The following AVEN variants were observed in gnomAD, a reference collection of about 807,000 sequenced individuals.
AVEN encodes cell death regulator Aven.
In AVEN, 41 loss-of-function variants were observed where a neutral mutation model predicts 38.1. That is an observed-to-expected ratio of 1.08 (90% CI 0.84 to 1.40). The LOEUF (loss-of-function observed/expected upper bound fraction) is 1.40. Among genes scored for constraint, AVEN ranks in the 40% most tolerant of loss-of-function variants. The pLI is 0.00. For synonymous variants in AVEN, 206 were observed against 171.8 expected, an observed-to-expected ratio of 1.20 and a Z score of -1.56; for missense variants, 605 against 438.8, an observed-to-expected ratio of 1.38 and a Z score of -3.38.
chr15:33,962,675 A>ATATG (rs1379022872), intron 2 of AVEN, among the ~76,000 whole-genome samples: 114 of 38,858 alleles, frequency 2.9e-3, no homozygotes, highest in Non-Finnish European at 0.026. Flanking sequence ...CCTGCATAAT[A>ATATG]TCTGTCTGTC....
intron 1 of AVEN, among the ~76,000 whole-genome samples, chr15:34,014,860 T>G (rs1356108136): frequency 6.6e-6 from 1 of 151,854 alleles, no homozygotes; most frequent in South Asian, 2.1e-4. Flanking sequence ...AAAACTCCAC[T>G]CTGAAGAAAA....
At chr15:33,973,311 T>TAGC (rs1156547883) in intron 2 of AVEN, among the ~76,000 whole-genome samples, 1 of 152,224 alleles carries the variant, frequency 6.6e-6, no homozygotes, top group African/African-American at 2.4e-5. Context: ...TTTATAGAAT[T>TAGC]TTTTGGTACA....
upstream of AVEN, among the ~76,000 whole-genome samples, chr15:34,043,642 A>G (rs993180685): frequency 7.2e-5 from 11 of 152,222 alleles, no homozygotes; most frequent in Admixed American, 7.2e-4. Flanking sequence ...TTACCAGGTC[A>G]TAAGTCATAA....
At chr15:33,852,395 A>T in the AVEN span, 1 of 152,180 alleles carries the variant, frequency 6.6e-6, no homozygotes, top group African/African-American at 2.4e-5. Flanking sequence ...AGAGAGAAGA[A>T]AGATCATCTC....
Position 33,866,738 on chromosome 15 carries a change from AAAAAACAATGTTAACACCCTCAGAT to A in AVEN, c.974-35_974-11del. Reference sequence around the variant, plus strand: ...GATGGTTTTGCACAAACTGGGGGAAAAAAAACAATGTTAACACCCTCAGATGAGTCCTAAAATTGAAGGTATAATT... The same window carrying A: ...GATGGTTTTGCACAAACTGGGGGAAAGAGTCCTAAAATTGAAGGTATAATT... On this transcript the variant is annotated splice_polypyrimidine_tract_variant and intron_variant, in intron 5 of 5. Transcript: ENST00000306730. 1 of 1,594,994 alleles carries A rather than the reference AAAAAACAATGTTAACACCCTCAGAT, an allele frequency of 6.3e-7. No homozygotes were observed.
chr15:33,869,461 TA>T (rs929751674), intron 4 of AVEN, among the ~76,000 whole-genome samples: 1 of 152,150 alleles, frequency 6.6e-6, no homozygotes, highest in African/African-American at 2.4e-5. Flanking sequence ...TGAGTTCTGC[TA>T]AACATTCCTC....
chr15:33,875,999 G>T lies in AVEN; in HGVS notation c.446-4C>A. The T allele has an allele frequency of 6.2e-7, 1 of 1,604,312 alleles. No individual in the cohort carries two copies. The highest frequency in any genetic ancestry group is 1.4e-5 in the African/African-American group (1 of 72,550). On this transcript the variant is annotated splice_polypyrimidine_tract_variant and splice_region_variant and intron_variant, in intron 2 of 5. Coordinates refer to ENST00000306730, the MANE Select transcript of AVEN (RefSeq NM_020371.3). Reference sequence around the variant, plus strand: ...CGGAACTGTGAGAATGAGTCCCCTAGGAATAGGAAAAAAAAAAAAATTTAT... The same window carrying T: ...CGGAACTGTGAGAATGAGTCCCCTATGAATAGGAAAAAAAAAAAAATTTAT...
At chr15:34,025,939 C>T (rs1898448981) in intron 1 of AVEN, among the ~76,000 whole-genome samples, 1 of 152,164 alleles carries the variant, frequency 6.6e-6, no homozygotes, top group Non-Finnish European at 1.5e-5. Flanking sequence ...TTTTTATGTG[C>T]AGTCTTGCCT....
At chr15:34,060,921 C>A (rs1490562276) in intron 5 of AVEN, among the ~76,000 whole-genome samples, 1 of 151,194 alleles carries the variant, frequency 6.6e-6, no homozygotes, top group African/African-American at 2.4e-5. Context: ...GAGGCTGAGG[C>A]AGGAGAATGG....
At chr15:34,032,364 CAAT>C (rs1898895209) in intron 1 of AVEN, among the ~76,000 whole-genome samples, 1 of 152,234 alleles carries the variant, frequency 6.6e-6, no homozygotes, top group East Asian at 1.9e-4. Flanking sequence ...AGAAAACCAA[CAAT>C]GACTTAGTAC....
chr15:33,909,141 A>AGT (rs1892824858), intron 2 of AVEN, among the ~76,000 whole-genome samples: 1 of 152,146 alleles, frequency 6.6e-6, no homozygotes, highest in African/African-American at 2.4e-5. Flanking sequence ...TCTGGTTACA[A>AGT]AGAGGAATAA....
intron 1 of AVEN, among the ~76,000 whole-genome samples, chr15:34,015,599 G>C (rs1897863135): frequency 6.6e-6 from 1 of 152,040 alleles, no homozygotes; most frequent in Non-Finnish European, 1.5e-5. Flanking sequence ...TCCACCCTCG[G>C]TCTTTAGGAG....
At chr15:33,911,733 T>C (rs949544926) in intron 2 of AVEN, among the ~76,000 whole-genome samples, 6 of 152,192 alleles carry the variant, frequency 3.9e-5, no homozygotes, top group African/African-American at 1.4e-4. Context: ...TTGTGTATAT[T>C]TGTCTAACTG....
At chr15:33,903,294 C>A (rs566874903) in intron 2 of AVEN, among the ~76,000 whole-genome samples, 4 of 152,330 alleles carry the variant, frequency 2.6e-5, no homozygotes, top group African/African-American at 9.6e-5. Context: ...GACAGTAACA[C>A]TGACATGGAT....
intron 5 of AVEN, among the ~76,000 whole-genome samples, chr15:34,056,227 A>C (rs1249407454): frequency 6.6e-6 from 1 of 152,238 alleles, no homozygotes; most frequent in African/African-American, 2.4e-5. Context: ...ATTTTAAAGG[A>C]TAAACCATTA....
At chr15:33,953,400 T>C (rs1894826053) in intron 2 of AVEN, among the ~76,000 whole-genome samples, 1 of 152,160 alleles carries the variant, frequency 6.6e-6, no homozygotes, top group Admixed American at 6.5e-5. Flanking sequence ...ACTACAAGGC[T>C]ACAGTAACCA....
chr15:33,932,358 G>A (rs922998941), intron 2 of AVEN, among the ~76,000 whole-genome samples: 1 of 152,148 alleles, frequency 6.6e-6, no homozygotes, highest in South Asian at 2.1e-4. Flanking sequence ...TGTGTACTCC[G>A]TGGACAGTGC....
At chr15:33,933,522 C>CAG (rs1893942145) in intron 2 of AVEN, among the ~76,000 whole-genome samples, 12 of 53,238 alleles carry the variant, frequency 2.3e-4, no homozygotes, top group African/African-American at 6.5e-4. Context: ...CACACACACA[C>CAG]ACAGAGAGAG....
chr15:33,917,525 G>A (rs1016765893), intron 2 of AVEN, among the ~76,000 whole-genome samples: 1 of 145,810 alleles, frequency 6.9e-6, no homozygotes, highest in East Asian at 2.0e-4. Flanking sequence ...ACACATACGT[G>A]TATATATATA....
Sources: allele counts gnomAD v4.1 joint callset (sites outside exome capture counted in the v4.1 genomes callset), GRCh38; gene constraint gnomAD v4.1.1; transcripts MANE v1.5; gene names NCBI Gene and HGNC (gene_info 2026-07-23, HGNC 2026-07-21).